Variants in SERPINB9 observed in about 807,000 individuals in gnomAD.
The protein encoded by SERPINB9 is serpin B9.
Under a neutral mutation model 27.2 loss-of-function variants are expected in SERPINB9, and 20 were observed. That is an observed-to-expected ratio of 0.74 (90% CI 0.52 to 1.07). The LOEUF is 1.07. Ranked by LOEUF, SERPINB9 falls within the 50% of genes least tolerant of loss-of-function variation. The pLI, the probability that SERPINB9 is intolerant of heterozygous loss-of-function variation, is 0.00. For missense variants in SERPINB9, 476 were observed against 460.1 expected (o/e 1.03, Z -0.32); for synonymous variants, 189 against 180.0 (o/e 1.05, Z -0.40).
chr6:2,893,838 G>A (rs1356471179), intron 4 of SERPINB9, among the ~76,000 whole-genome samples: 1 of 152,140 alleles, frequency 6.6e-6, no homozygotes, highest in Non-Finnish European at 1.5e-5. Context: ...AAGACCAGCA[G>A]GAAATGTGAT....
chr6:2,897,914 A>G (rs1768056165), intron 2 of SERPINB9, among the ~76,000 whole-genome samples: 2 of 152,204 alleles, frequency 1.3e-5, no homozygotes, highest in Admixed American at 1.3e-4. Flanking sequence ...AGTCAAAAAT[A>G]TGAATACTAG....
At chr6:2,897,468 A>AAAAC (rs143073430) in intron 2 of SERPINB9, among the ~76,000 whole-genome samples, 11 of 152,320 alleles carry the variant, frequency 7.2e-5, no homozygotes, top group Admixed American at 2.6e-4. Flanking sequence ...TCCTTCTCAA[A>AAAAC]AAACAAACAA....
intron 2 of SERPINB9, chr6:2,900,106 C>A: frequency 2.7e-6 from 1 of 372,282 alleles, no homozygotes; most frequent in South Asian, 2.4e-5. Flanking sequence ...TCTCTTGCTC[C>A]AAAAAAGAGG....
rs900027463 is a variant in SERPINB9, at chr6:2,893,651, T to C, written c.425-98A>G. 2.2e-5 allele frequency: 24 copies of C among 1,113,804 alleles called. No individual in the cohort carries two copies. The South Asian group carries it at 2.7e-4, about 12-fold the overall frequency. 69.0% of individuals were successfully genotyped at this position (1,113,804 alleles called of 1,614,324 possible). A position where few individuals can be genotyped will look rare whatever the true frequency, so the allele number is the denominator to read the frequency against. ...TTAGTTGAGAAGCAAACTTCTGTTT[T>C]CAACTTTGCTGAGTTTGGGTTGTTA... On this transcript the variant is annotated intron_variant, in intron 4 of 6. Transcript: ENST00000380698.
intron 4 of SERPINB9, among the ~76,000 whole-genome samples, chr6:2,893,866 G>A (rs953998733): frequency 1.9e-4 from 29 of 152,216 alleles, no homozygotes; most frequent in African/African-American, 6.7e-4. Context: ...AGGGGTGTTT[G>A]TCTCACATGG....
At chr6:2,901,678 C>T (rs1317154880) in intron 1 of SERPINB9, among the ~76,000 whole-genome samples, 1 of 152,116 alleles carries the variant, frequency 6.6e-6, no homozygotes. Context: ...CTGACTCCTC[C>T]AGGTGAGCCT....
chr6:2,900,573 T>C lies in SERPINB9; in HGVS notation c.39A>G (p.Ile13Met), dbSNP rs1222806575. 5 of 1,613,944 alleles carry C rather than the reference T, an allele frequency of 3.1e-6. No homozygotes were observed. Among genetic ancestry groups the C allele is most frequent in the South Asian group, 1.1e-5 (1 of 91,070 alleles). The change falls in exon 2 of 7, where the codon ATA becomes ATG. Residue 13 changes from isoleucine to methionine, a missense_variant. Coordinates refer to ENST00000380698, the MANE Select transcript of SERPINB9 (RefSeq NM_004155.6). The part of the protein sequence containing the change: ...TLSNASGTFA[I>M]RLLKILCQDN... ...CTTGACACAGTATCTTTAAAAGGCG[T>C]ATGGCAAAAGTACCACTTGCATTAG...
Position 2,900,885 on chromosome 6 carries a change from T to TCTCACACACACACA in SERPINB9, c.-10-265_-10-264insTGTGTGTGTGTGAG, listed in dbSNP as rs61100591. On this transcript the variant is annotated intron_variant, in intron 1 of 6. Transcript: ENST00000380698. ...TGGCTCGCCTGCAGAGCTCGCTCTC[T>TCTCACACACACACA]CACACACACACACACACACACACAC... Among the ~76,000 whole-genome samples the TCTCACACACACACA allele has an allele frequency of 5.0e-3, 703 of 141,558 alleles. 3 individuals carry two copies. Among genetic ancestry groups the TCTCACACACACACA allele is most frequent in the South Asian group, 8.1e-3 (36 of 4,418 alleles). The allele number at this position is 141,558 out of a possible 152,430, so 92.9% of individuals were successfully genotyped here.
intron 5 of SERPINB9, 121 bp from the exon 6 acceptor site, chr6:2,892,109 A>C: frequency 1.4e-5 from 2 of 143,144 alleles, no homozygotes; most frequent in Non-Finnish European, 1.3e-5. Flanking sequence ...TAACACTAAA[A>C]AAAAAAAAAA....
chr6:2,890,631 G>T lies in SERPINB9; in HGVS notation c.724-61C>A. 6.8e-7 allele frequency: 1 copy of T among 1,480,642 alleles called. No homozygotes were observed. The allele number at this position is 1,480,642 out of a possible 1,614,324, so 91.7% of individuals were successfully genotyped here. A position where few individuals can be genotyped will look rare whatever the true frequency, so the allele number is the denominator to read the frequency against. On this transcript the variant is annotated intron_variant, in intron 6 of 6. Coordinates refer to ENST00000380698, the MANE Select transcript of SERPINB9 (RefSeq NM_004155.6). This position sits in a 1 kb window ranked among gnomAD's most constrained non-coding sequence, Gnocchi z 6.2. ...TCAGTGCACATGTACAAGCGCACAG[G>T]CACTCACAGTTCCCTTCCTCCCCTT...
chr6:2,893,112 A>G (rs1315630942), intron 5 of SERPINB9, among the ~76,000 whole-genome samples: 1 of 93,748 alleles, frequency 1.1e-5, no homozygotes, highest in Non-Finnish European at 2.1e-5. Flanking sequence ...GAAGATCTTT[A>G]GTTTCCAAAA....
rs533967757 is a variant in SERPINB9, at chr6:2,888,475, T to C, written c.*1688A>G. The stretch of plus-strand genomic sequence containing the variant: ...ATGAGTGGATAAATAAATTGTGCTA[T>C]AAACACATAATACAATTTTATTTGG... On this transcript the variant is annotated 3_prime_UTR_variant, in exon 7 of 7. Transcript: ENST00000380698. 2 of 152,372 alleles carry C rather than the reference T, an allele frequency of 1.3e-5. No individual in the cohort carries two copies. The highest frequency in any genetic ancestry group is 4.8e-5 in the African/African-American group (2 of 41,590). 9.4% of individuals were successfully genotyped at this position (152,372 alleles called of 1,614,324 possible).
Position 2,893,567 on chromosome 6 carries a change from T to C in SERPINB9, c.425-14A>G, listed in dbSNP as rs767124196. 22 of 1,610,508 alleles carry C rather than the reference T, an allele frequency of 1.4e-5. No homozygotes were observed. The highest frequency in any genetic ancestry group is 1.7e-5 in the Non-Finnish European group (20 of 1,177,930). Reference sequence around the variant, plus strand: ...CTTCAATTTTACCTTTCAAGAAAAGTAGAGACTACATTCAGTTGCTTTTTA... The same window carrying C: ...CTTCAATTTTACCTTTCAAGAAAAGCAGAGACTACATTCAGTTGCTTTTTA... On this transcript the variant is annotated splice_polypyrimidine_tract_variant and intron_variant, in intron 4 of 6. Coordinates refer to ENST00000380698, the MANE Select transcript of SERPINB9 (RefSeq NM_004155.6).
At chr6:2,900,107 A>G (rs1768144664) in intron 2 of SERPINB9, 1 of 372,418 alleles carries the variant, frequency 2.7e-6, no homozygotes, top group Admixed American at 4.1e-5. Context: ...CTCTTGCTCC[A>G]AAAAAGAGGT....
Position 2,894,520 on chromosome 6 carries a change from A to G in SERPINB9, c.424+871T>C, listed in dbSNP as rs993992143. Among the ~76,000 whole-genome samples the G allele has an allele frequency of 6.6e-6, 1 of 152,198 alleles. No individual in the cohort carries two copies. The highest frequency in any genetic ancestry group is 1.5e-5 in the Non-Finnish European group (1 of 68,028). On this transcript the variant is annotated intron_variant, in intron 4 of 6. Coordinates refer to ENST00000380698, the MANE Select transcript of SERPINB9 (RefSeq NM_004155.6). This position sits in a 1 kb window ranked among gnomAD's most constrained non-coding sequence, Gnocchi z 4.7. ...TTATCAAGTCAAACTAAAGGAGCTT[A>G]AGTGGAAGACATGAAAAGTCAGGAG...
rs1486416826 is a variant in SERPINB9, at chr6:2,903,011, G to A, written c.-11+190C>T. 2.6e-5 allele frequency among the ~76,000 whole-genome samples: 4 copies of A among 152,168 alleles called. No individual in the cohort carries two copies. The highest frequency in any genetic ancestry group is 7.2e-5 in the African/African-American group (3 of 41,446). ...CGCGGTGGCTGTGGGCCGCCAAGGC[G>A]GAGACCGGCTGCCGCTCCCAGGCAC... On this transcript the variant is annotated intron_variant, in intron 1 of 6. Coordinates refer to ENST00000380698, the MANE Select transcript of SERPINB9 (RefSeq NM_004155.6). This position sits in a 1 kb window ranked among gnomAD's most constrained non-coding sequence, Gnocchi z 5.2.
chr6:2,896,699 A>G (rs1322866060), intron 2 of SERPINB9, among the ~76,000 whole-genome samples: 5 of 152,250 alleles, frequency 3.3e-5, no homozygotes, highest in African/African-American at 4.8e-5. Context: ...ATTCTGAAAT[A>G]CAGAATTATA....
At chr6:2,893,053 C>CT (rs5873846) in intron 5 of SERPINB9, among the ~76,000 whole-genome samples, 92 of 113,490 alleles carry the variant, frequency 8.1e-4, no homozygotes, top group Middle Eastern at 4.8e-3. Context: ...TACCTTAACA[C>CT]TTTTTTTTTT....
rs12177943 is a variant in SERPINB9, at chr6:2,893,204, T to A, written c.567+207A>T. Among the ~76,000 whole-genome samples the A allele has an allele frequency of 1.3e-4, 18 of 139,712 alleles. 1 individual carries two copies. The highest frequency in any genetic ancestry group is 2.6e-4 in the Non-Finnish European group (17 of 64,436). The allele number at this position is 139,712 out of a possible 152,430, so 91.7% of individuals were successfully genotyped here. On this transcript the variant is annotated intron_variant, in intron 5 of 6. Coordinates refer to ENST00000380698, the MANE Select transcript of SERPINB9 (RefSeq NM_004155.6). ...AAACACTACATATATATATATATAT[T>A]ATATATACGTATATATAATATATAT...
Sources: gnomAD v4.1 joint callset for allele counts (sites outside exome capture counted in the v4.1 genomes callset) on GRCh38, gnomAD v4.1.1 for gene constraint, Gnocchi (gnomAD v3.1) non-coding constraint, MANE v1.5 for transcripts, NCBI Gene and HGNC (gene_info 2026-07-23, HGNC 2026-07-21) for gene names.